Variants in UGT2A3 observed in about 807,000 individuals in gnomAD.
The protein encoded by UGT2A3 is UDP glucuronosyltransferase family 2 member A3, also known as UDP-glucuronosyltransferase 2A3.
In UGT2A3, 55 loss-of-function variants were observed where a neutral mutation model predicts 44.1. That is an observed-to-expected ratio of 1.25 (90% CI 1.00 to 1.56). The LOEUF is 1.56. Among genes scored for constraint, UGT2A3 ranks in the 40% most tolerant of loss-of-function variants. UGT2A3 has a pLI of 0.00. For synonymous variants in UGT2A3, 243 were observed against 215.1 expected (o/e 1.13, Z -1.13); for missense variants, 733 against 621.6 (o/e 1.18, Z -1.91).
Position 68,930,282 on chromosome 4 carries a change from A to T in UGT2A3, c.1305-190T>A, listed in dbSNP as rs146039257. On this transcript the variant is annotated intron_variant, in intron 5 of 5. Coordinates refer to ENST00000251566, the MANE Select transcript of UGT2A3 (RefSeq NM_024743.4). ...TATAGTGGAGAGACTGAAAGAGTATATTCTTAACAAAATGGGGTAAAATTA... is the reference window on the plus strand; with the variant it reads ...TATAGTGGAGAGACTGAAAGAGTATTTTCTTAACAAAATGGGGTAAAATTA... 2.7e-3 allele frequency among the ~76,000 whole-genome samples: 417 copies of T among 152,196 alleles called. 3 individuals are homozygous for T. Among genetic ancestry groups the T allele is most frequent in the African/African-American group, 9.4e-3 (392 of 41,550 alleles).
chr4:68,930,631 TG>T lies in UGT2A3; in HGVS notation c.1218del (p.Gly408GlufsTer4), dbSNP rs762977646. ...DQLDNIAHMKAKGAAVEINFK... is the reference protein window; with the variant it reads ...DQLDNIAHMKXKGAAVEINFK... ...AAGTTTATTTCTACAGCTGCTCCTT[TG>T]GCCTTCATGTGAGCTATGTTATCAA... On this transcript the variant is annotated frameshift_variant, in exon 5 of 6. Transcript: ENST00000251566. LOFTEE classifies it high-confidence loss of function. 1.4e-5 allele frequency: 23 copies of T among 1,613,662 alleles called. No homozygotes were observed. The South Asian group carries it at 2.4e-4, about 17-fold the overall frequency.
intron 1 of UGT2A3, among the ~76,000 whole-genome samples, chr4:68,949,322 AT>A (rs1718496703): frequency 6.6e-6 from 1 of 151,830 alleles, no homozygotes; most frequent in South Asian, 2.1e-4. Flanking sequence ...TGTATGTTAT[AT>A]TACTGTGTCT....
At chr4:68,935,280 A>ATATATATG (rs1717898236) in intron 2 of UGT2A3, among the ~76,000 whole-genome samples, 1 of 65,354 alleles carries the variant, frequency 1.5e-5, no homozygotes, top group Non-Finnish European at 2.6e-5. Flanking sequence ...ATGTATGTAT[A>ATATATATG]TATATATATA....
At position 68,932,608 on chromosome 4, in the gene UGT2A3, G is replaced by A; in HGVS notation, c.996+20C>T. ...TCATTATGTGAATAGCTGCTTATCA[G>A]GATTGGAGGTTTTACTGACCTTCTG... On this transcript the variant is annotated intron_variant, in intron 3 of 5. Transcript: ENST00000251566. 3 of 1,597,646 alleles carry A rather than the reference G, an allele frequency of 1.9e-6. No homozygotes were observed. The highest frequency in any genetic ancestry group is 2.6e-6 in the Non-Finnish European group (3 of 1,174,034).
chr4:68,950,077 A>G (rs1002812666), intron 1 of UGT2A3, among the ~76,000 whole-genome samples: 18 of 152,004 alleles, frequency 1.2e-4, no homozygotes, highest in Middle Eastern at 3.4e-3. Context: ...TGACCTCTAT[A>G]TAGCTGTACC....
At chr4:68,930,329 A>G (rs762748653) in intron 5 of UGT2A3, among the ~76,000 whole-genome samples, 1 of 152,090 alleles carries the variant, frequency 6.6e-6, no homozygotes, top group Non-Finnish European at 1.5e-5. Flanking sequence ...AAAGCTTAGT[A>G]AGCCAGTTGT....
intron 2 of UGT2A3, among the ~76,000 whole-genome samples, chr4:68,936,233 A>G (rs1367656359): frequency 6.6e-6 from 1 of 152,132 alleles, no homozygotes; most frequent in Non-Finnish European, 1.5e-5. Context: ...ATATTCCTTG[A>G]GAAGACCAAC....
intron 2 of UGT2A3, among the ~76,000 whole-genome samples, chr4:68,934,890 A>G (rs1717874477): frequency 6.6e-6 from 1 of 151,920 alleles, no homozygotes; most frequent in African/African-American, 2.4e-5. Flanking sequence ...GGATTCTTAA[A>G]AAAAAGGAAA....
rs1201317235 is a variant in UGT2A3 at position 68,945,293 on chromosome 4, A to T, written c.864+13T>A. ...CATAAAGTACATAATATTCCTTAAT[A>T]CAATAGTCCTACCTTAGGCAAAGCT... On this transcript the variant is annotated intron_variant, in intron 2 of 5. Coordinates refer to ENST00000251566, the MANE Select transcript of UGT2A3 (RefSeq NM_024743.4). The T allele has an allele frequency of 2.5e-5, 41 of 1,610,606 alleles. No homozygotes were observed. The highest frequency in any genetic ancestry group is 3.5e-5 in the Non-Finnish European group (41 of 1,177,980).
chr4:68,945,903 T>C (rs1718369501), intron 1 of UGT2A3, among the ~76,000 whole-genome samples: 3 of 151,594 alleles, frequency 2.0e-5, no homozygotes, highest in South Asian at 2.1e-4. Flanking sequence ...CTAAATAACA[T>C]CTCTGTATTT....
intron 2 of UGT2A3, among the ~76,000 whole-genome samples, chr4:68,938,001 C>T (rs1307022783): frequency 1.3e-5 from 2 of 152,050 alleles, no homozygotes; most frequent in East Asian, 3.9e-4. Context: ...CATCCCAAGA[C>T]TAAATCAAGA....
chr4:68,931,350 T>G lies in UGT2A3; in HGVS notation c.997-108A>C, dbSNP rs1230107839. ...AACTCATTGTACTTCAGGTGATGGT[T>G]GAGACAGGGGTGTGTAGAGCTACCG... On this transcript the variant is annotated intron_variant, in intron 3 of 5. Coordinates refer to ENST00000251566, the MANE Select transcript of UGT2A3 (RefSeq NM_024743.4). 5 of 849,070 alleles carry G rather than the reference T, an allele frequency of 5.9e-6. No individual in the cohort carries two copies. The Admixed American group carries it at 9.8e-5, about 17-fold the overall frequency. 52.6% of individuals were successfully genotyped at this position (849,070 alleles called of 1,614,324 possible).
intron 1 of UGT2A3, among the ~76,000 whole-genome samples, chr4:68,946,177 T>C (rs1264293920): frequency 1.3e-5 from 2 of 151,562 alleles, no homozygotes; most frequent in Admixed American, 1.3e-4. Flanking sequence ...TAATTTTAGG[T>C]TTTTAATCAG....
At chr4:68,941,002 T>C (rs1466968042) in intron 2 of UGT2A3, among the ~76,000 whole-genome samples, 1 of 151,676 alleles carries the variant, frequency 6.6e-6, no homozygotes, top group Non-Finnish European at 1.5e-5. Flanking sequence ...TGTGCCTTTG[T>C]CATGGAAGCA....
chr4:68,930,680 T>A lies in UGT2A3; in HGVS notation c.1170A>T (p.Gly390=). ...CAAGCTGATCACCAAATATGGGAAC[T>A]CCCACCATAGGGACCCCATGGTAAA... ...EAIYHGVPMV[G]VPIFGDQLDN... The change falls in exon 5 of 6, where the codon GGA becomes GGT. Residue 390 remains glycine (G), a synonymous_variant. Coordinates refer to ENST00000251566, the MANE Select transcript of UGT2A3 (RefSeq NM_024743.4). 1 of 1,613,370 alleles carries A rather than the reference T, an allele frequency of 6.2e-7. No individual in the cohort carries two copies. Among genetic ancestry groups the A allele is most frequent in the East Asian group, 2.2e-5 (1 of 44,824 alleles).
chr4:68,935,045 A>C (rs1717881998), intron 2 of UGT2A3, among the ~76,000 whole-genome samples: 1 of 151,692 alleles, frequency 6.6e-6, no homozygotes, highest in South Asian at 2.1e-4. Context: ...AAGGAGAAAT[A>C]AATAATGAAG....
In UGT2A3 at chr4:68,942,504, GATATAT is replaced by G. The variant is rs34118122; in HGVS notation, c.864+2796_864+2801del. On this transcript the variant is annotated intron_variant, in intron 2 of 5. Transcript: ENST00000251566. ...TATAGCTCAATAGCATTCCACTGGAGATATATATATATATATATATATATATATATA... is the reference window on the plus strand; with the variant it reads ...TATAGCTCAATAGCATTCCACTGGAGATATATATATATATATATATATATA... Among the ~76,000 whole-genome samples, 415 of 130,996 alleles carry G rather than the reference GATATAT, an allele frequency of 3.2e-3. 6 individuals are homozygous for G. The highest frequency in any genetic ancestry group is 0.012 in the African/African-American group (394 of 33,438). 85.9% of individuals were successfully genotyped at this position (130,996 alleles called of 152,430 possible).
chr4:68,941,583 A>T (rs980951998), intron 2 of UGT2A3, among the ~76,000 whole-genome samples: 2 of 151,898 alleles, frequency 1.3e-5, no homozygotes, highest in African/African-American at 4.8e-5. Context: ...CTAGGCAAGG[A>T]TTTTTTTGGA....
At chr4:68,946,670 T>C (rs1315226830) in intron 1 of UGT2A3, among the ~76,000 whole-genome samples, 1 of 151,660 alleles carries the variant, frequency 6.6e-6, no homozygotes, top group Non-Finnish European at 1.5e-5. Context: ...AGGATAAAGA[T>C]GATCAAAGGA....
Sources: gnomAD v4.1 joint callset for allele counts (sites outside exome capture counted in the v4.1 genomes callset) on GRCh38, gnomAD v4.1.1 for gene constraint, MANE v1.5 for transcripts, NCBI Gene and HGNC (gene_info 2026-07-23, HGNC 2026-07-21) for gene names.